The following ADAMTS14 variants were observed in gnomAD, a reference collection of about 807,000 sequenced individuals.
ADAMTS14 encodes A disintegrin and metalloproteinase with thrombospondin motifs 14.
In ADAMTS14, 100 loss-of-function variants were observed where a neutral mutation model predicts 128.6. That is an observed-to-expected ratio of 0.78 (90% CI 0.66 to 0.92). ADAMTS14 has a LOEUF of 0.92. Ranked by LOEUF, ADAMTS14 falls within the 40% of genes least tolerant of loss-of-function variation. The probability of loss-of-function intolerance (pLI) is 0.00; values close to 1 mark genes in which losing one functional copy is unlikely to be tolerated. For synonymous variants in ADAMTS14, 665 were observed against 653.8 expected (o/e 1.02, Z -0.26); for missense variants, 1,562 against 1,658.6 (o/e 0.94, Z 1.01).
At chr10:70,711,395 G>T (rs1840853236) in intron 4 of ADAMTS14, among the ~76,000 whole-genome samples, 2 of 152,234 alleles carry the variant, frequency 1.3e-5, no homozygotes, top group Admixed American at 6.5e-5. Flanking sequence ...ACGTTAGAGA[G>T]GGAGAGCATC....
chr10:70,702,269 C>T (rs1382951643), intron 2 of ADAMTS14, 43 bp from the exon 3 acceptor site: 4 of 1,613,044 alleles, frequency 2.5e-6, no homozygotes, highest in Non-Finnish European at 3.4e-6. Context: ...GTGTTCATGC[C>T]TCTTATTTCT....
chr10:70,701,404 T>A (rs532056619), intron 2 of ADAMTS14, among the ~76,000 whole-genome samples: 2 of 152,382 alleles, frequency 1.3e-5, no homozygotes, highest in African/African-American at 2.4e-5. Context: ...TCAACAAATA[T>A]TTATTTGCTA....
intron 2 of ADAMTS14, among the ~76,000 whole-genome samples, chr10:70,682,596 G>A (rs1839843761): frequency 6.6e-6 from 1 of 152,210 alleles, no homozygotes; most frequent in Admixed American, 6.5e-5. Flanking sequence ...GTTGTCATGT[G>A]TGTAAAGGGT....
chr10:70,708,456 C>A, intron 3 of ADAMTS14, 132 bp from the exon 4 acceptor site: 3 of 750,190 alleles, frequency 4.0e-6, no homozygotes, highest in Non-Finnish European at 6.3e-6. Context: ...TGGAGCAATC[C>A]CTCATACTAC....
At chr10:70,743,732 C>A in intron 13 of ADAMTS14, 51 bp downstream of exon 13, 1 of 1,505,220 alleles carries the variant, frequency 6.6e-7, no homozygotes, top group African/African-American at 1.4e-5. Flanking sequence ...GACTGGAGGG[C>A]TGCACTGTAG....
At chr10:70,692,406 C>G (rs567309991) in intron 2 of ADAMTS14, among the ~76,000 whole-genome samples, 6 of 152,228 alleles carry the variant, frequency 3.9e-5, no homozygotes, top group Non-Finnish European at 8.8e-5. Context: ...GGGCTGGTGC[C>G]GCACAGCTGG....
intron 5 of ADAMTS14, 87 bp downstream of exon 5, chr10:70,729,464 G>C (rs1841558722): frequency 9.0e-7 from 1 of 1,116,650 alleles, no homozygotes; most frequent in Non-Finnish European, 1.4e-6. Flanking sequence ...GGGCTGCAGG[G>C]GTAAGCATCC....
chr10:70,697,737 G>A (rs905228666), intron 2 of ADAMTS14, among the ~76,000 whole-genome samples: 35 of 151,508 alleles, frequency 2.3e-4, no homozygotes, highest in East Asian at 1.5e-3. Flanking sequence ...TAGTTGCCAC[G>A]TGACCATGTC....
intron 8 of ADAMTS14, 59 bp from the exon 9 acceptor site, chr10:70,735,110 G>A: frequency 1.3e-6 from 2 of 1,573,074 alleles, no homozygotes; most frequent in Non-Finnish European, 1.7e-6. Flanking sequence ...CCCCTGGGAA[G>A]GGAAAGCCTG....
intron 2 of ADAMTS14, among the ~76,000 whole-genome samples, chr10:70,681,354 G>A (rs1839796205): frequency 6.6e-6 from 1 of 152,194 alleles, no homozygotes; most frequent in Non-Finnish European, 1.5e-5. Context: ...TAGTCATTCT[G>A]TAGGGAAGGA....
chr10:70,720,683 TACAACACAGGTACCCACACACATGC>T (rs1445899780), intron 4 of ADAMTS14, among the ~76,000 whole-genome samples: 1 of 152,180 alleles, frequency 6.6e-6, no homozygotes, highest in African/African-American at 2.4e-5. Flanking sequence ...TGTACACACA[TACAACACAGGTACCCACACACATGC>T]ACATGCGTGC....
intron 8 of ADAMTS14, 104 bp from the exon 9 acceptor site, chr10:70,735,065 C>A: frequency 6.9e-7 from 1 of 1,450,426 alleles, no homozygotes; most frequent in Non-Finnish European, 9.3e-7. Flanking sequence ...ATAGCGGGTG[C>A]AAATTCTTGC....
intron 13 of ADAMTS14, 95 bp downstream of exon 13, chr10:70,743,776 C>T: frequency 7.0e-7 from 1 of 1,434,484 alleles, no homozygotes. Context: ...CATTGCCTCA[C>T]CGGCCCACTC....
intron 2 of ADAMTS14, among the ~76,000 whole-genome samples, chr10:70,682,439 G>T (rs528132917): frequency 5.3e-5 from 8 of 152,334 alleles, no homozygotes; most frequent in African/African-American, 1.9e-4. Context: ...GTGCTGGGGG[G>T]TGAGTGTGAC....
chr10:70,701,529 A>T (rs1261613966), intron 2 of ADAMTS14, among the ~76,000 whole-genome samples: 1 of 152,224 alleles, frequency 6.6e-6, no homozygotes, highest in Admixed American at 6.5e-5. Context: ...ATATGCAGAC[A>T]CACATACACG....
intron 10 of ADAMTS14, among the ~76,000 whole-genome samples, chr10:70,737,957 A>G (rs1367775316): frequency 6.6e-6 from 1 of 152,226 alleles, no homozygotes; most frequent in Admixed American, 6.5e-5. Context: ...AAGTCATCGC[A>G]TTGCATACTT....
At position 70,706,985 on chromosome 10, in the gene ADAMTS14, C is replaced by T. The variant is rs940532729; in HGVS notation, c.680-1603C>T. ...AAATAAACAATCACAATGGATTGTG[C>T]AGGGGCAGGGCCCTCTGCCCCCTGT... On this transcript the variant is annotated intron_variant, in intron 3 of 21. Coordinates refer to ENST00000373207, the MANE Select transcript of ADAMTS14 (RefSeq NM_080722.4). Among the ~76,000 whole-genome samples, 4 of 152,220 alleles carry T rather than the reference C, an allele frequency of 2.6e-5. No individual in the cohort carries two copies. The East Asian group carries it at 7.7e-4, about 29-fold the overall frequency.
intron 4 of ADAMTS14, among the ~76,000 whole-genome samples, chr10:70,713,530 C>T (rs1288787869): frequency 6.6e-6 from 1 of 152,228 alleles, no homozygotes; most frequent in Admixed American, 6.5e-5. Flanking sequence ...CTGGCCTGTG[C>T]TTGTCAGTGG....
chr10:70,715,171 C>T (rs941015131), intron 4 of ADAMTS14, among the ~76,000 whole-genome samples: 3 of 152,134 alleles, frequency 2.0e-5, no homozygotes, highest in Non-Finnish European at 2.9e-5. Flanking sequence ...TTTCTGACAA[C>T]CTCTTTTCCC....
Sources: gnomAD v4.1 joint callset for allele counts (sites outside exome capture counted in the v4.1 genomes callset) on GRCh38, gnomAD v4.1.1 for gene constraint, MANE v1.5 for transcripts, NCBI Gene and HGNC (gene_info 2026-07-23, HGNC 2026-07-21) for gene names.